TLE1: variants seen among roughly 807,000 people sequenced by gnomAD.
TLE1 encodes the protein TLE family member 1, transcriptional corepressor.
TLE1 carries 21 observed loss-of-function variants against 89.8 expected under a neutral mutation model. The ratio of observed to expected loss-of-function variants is 0.23; its 90% CI spans 0.17 to 0.34. TLE1 has a LOEUF of 0.34. TLE1 is among the 10% of genes least tolerant of loss of function. The pLI, the probability that TLE1 is intolerant of heterozygous loss-of-function variation, is 1.00. For synonymous variants in TLE1, 447 were observed against 407.6 expected (o/e 1.10, Z -1.16); for missense variants, 795 against 1,031.2 (o/e 0.77, Z 3.14).
intron 4 of TLE1, among the ~76,000 whole-genome samples, chr9:81,674,598 A>G (rs1157741476): frequency 6.6e-6 from 1 of 152,240 alleles, no homozygotes; most frequent in Non-Finnish European, 1.5e-5. Flanking sequence ...CGTTGCTAAC[A>G]ATATTTCCCC....
chr9:81,599,114 G>A lies in TLE1; in HGVS notation c.1332-5840C>T, dbSNP rs1479512788. Among the ~76,000 whole-genome samples, 3 of 152,286 alleles carry A rather than the reference G, an allele frequency of 2.0e-5. No individual in the cohort carries two copies. The East Asian group carries it at 5.8e-4, about 29-fold the overall frequency. Reference sequence around the variant, plus strand: ...AGGTGTGAAGTAATGAAGCCACATGGGAAAGTACTTCAAGAAAACTATGAA... The same window carrying A: ...AGGTGTGAAGTAATGAAGCCACATGAGAAAGTACTTCAAGAAAACTATGAA... On this transcript the variant is annotated intron_variant, in intron 14 of 19. Coordinates refer to ENST00000376499, the MANE Select transcript of TLE1 (RefSeq NM_005077.5).
chr9:81,608,824 C>T (rs1455850594), intron 14 of TLE1, among the ~76,000 whole-genome samples: 2 of 151,958 alleles, frequency 1.3e-5, no homozygotes, highest in African/African-American at 2.4e-5. Flanking sequence ...ATAATCCCAG[C>T]TACTCGAGAG....
intron 4 of TLE1, among the ~76,000 whole-genome samples, chr9:81,683,385 G>C (rs1833863826): frequency 6.6e-6 from 1 of 152,056 alleles, no homozygotes; most frequent in Non-Finnish European, 1.5e-5. Flanking sequence ...GAGAATTCCT[G>C]TCAAATCTAA....
chr9:81,683,879 T>C (rs1833927275), intron 4 of TLE1, among the ~76,000 whole-genome samples: 1 of 152,160 alleles, frequency 6.6e-6, no homozygotes, highest in Non-Finnish European at 1.5e-5. Context: ...ATGGTGCTTC[T>C]GACCCACTTC....
intron 2 of TLE1, 82 bp downstream of exon 2, chr9:81,687,252 T>C (rs148334119): frequency 1.2e-3 from 1,400 of 1,186,924 alleles, no homozygotes; most frequent in Non-Finnish European, 1.6e-3. Context: ...AAGAACTAAG[T>C]ACAGGCGCCG....
chr9:81,644,162 C>T (rs1057171343), intron 6 of TLE1, among the ~76,000 whole-genome samples: 2 of 152,144 alleles, frequency 1.3e-5, no homozygotes, highest in South Asian at 2.1e-4. Flanking sequence ...ATGATGCAGC[C>T]GCTTTGGAAA....
intron 4 of TLE1, among the ~76,000 whole-genome samples, chr9:81,680,284 T>C (rs945459728): frequency 2.0e-5 from 3 of 152,096 alleles, no homozygotes; most frequent in African/African-American, 7.2e-5. Context: ...GAGCCTATAG[T>C]TCATGGCCAC....
intron 17 of TLE1, among the ~76,000 whole-genome samples, chr9:81,586,324 G>A (rs1375502856): frequency 6.6e-6 from 1 of 152,136 alleles, no homozygotes; most frequent in African/African-American, 2.4e-5. Flanking sequence ...GCCTTGTTAG[G>A]TGACTTTATT....
intron 14 of TLE1, among the ~76,000 whole-genome samples, chr9:81,600,489 C>T (rs1177794411): frequency 2.0e-5 from 3 of 152,138 alleles, no homozygotes; most frequent in Non-Finnish European, 2.9e-5. Context: ...TAAAAAGGAA[C>T]GGCCTCACCT....
At chr9:81,647,294 A>G (rs1233492015) in intron 6 of TLE1, among the ~76,000 whole-genome samples, 2 of 152,190 alleles carry the variant, frequency 1.3e-5, no homozygotes, top group South Asian at 2.1e-4. Flanking sequence ...CAATGACACT[A>G]TCTGCCTTAT....
chr9:81,663,278 T>G (rs1386330078), intron 4 of TLE1, among the ~76,000 whole-genome samples: 1 of 152,176 alleles, frequency 6.6e-6, no homozygotes, highest in Non-Finnish European at 1.5e-5. Flanking sequence ...TACCCAGCCC[T>G]CTTACGATCC....
At chr9:81,647,497 C>A (rs1438254064) in intron 6 of TLE1, among the ~76,000 whole-genome samples, 1 of 152,206 alleles carries the variant, frequency 6.6e-6, no homozygotes, top group Non-Finnish European at 1.5e-5. Flanking sequence ...TGGGTCTAAT[C>A]TCAAACACCC....
chr9:81,615,277 C>G (rs561467259), intron 11 of TLE1, among the ~76,000 whole-genome samples: 1 of 147,278 alleles, frequency 6.8e-6, no homozygotes, highest in Non-Finnish European at 1.5e-5. Flanking sequence ...TGCAGTGTGC[C>G]GAGATCACGC....
At chr9:81,656,428 A>G (rs1387557520) in intron 4 of TLE1, among the ~76,000 whole-genome samples, 1 of 152,210 alleles carries the variant, frequency 6.6e-6, no homozygotes, top group Non-Finnish European at 1.5e-5. Context: ...TTCACATTGA[A>G]GGTTTCCAGT....
intron 4 of TLE1, among the ~76,000 whole-genome samples, chr9:81,657,927 T>TTTTTTC (rs1323724108): frequency 6.9e-6 from 1 of 144,392 alleles, no homozygotes; most frequent in Non-Finnish European, 1.5e-5. Flanking sequence ...TTTTTTTTTT[T>TTTTTTC]AAGACAGAGT....
At chr9:81,624,001 AC>A (rs139328166) in intron 8 of TLE1, among the ~76,000 whole-genome samples, 2,510 of 152,128 alleles carry the variant, frequency 0.016, 77 homozygotes, top group African/African-American at 0.057. Context: ...TCTGTCCACC[AC>A]CTGCTGATTC....
chr9:81,636,040 T>G (rs1827317804), intron 6 of TLE1, among the ~76,000 whole-genome samples: 2 of 152,152 alleles, frequency 1.3e-5, no homozygotes, highest in South Asian at 4.1e-4. Context: ...GCCAACCATC[T>G]TTATAAACTT....
chr9:81,681,796 A>T (rs980505681), intron 4 of TLE1, among the ~76,000 whole-genome samples: 2 of 152,152 alleles, frequency 1.3e-5, no homozygotes, highest in Admixed American at 1.3e-4. Flanking sequence ...AGTCAGCGGC[A>T]CTGCTGATTC....
chr9:81,652,837 T>C (rs961216118), intron 5 of TLE1, among the ~76,000 whole-genome samples: 9 of 152,168 alleles, frequency 5.9e-5, no homozygotes, highest in African/African-American at 2.2e-4. Context: ...ATTAAATCCG[T>C]TGATTGGTTG....
Sources: allele counts gnomAD v4.1 joint callset (sites outside exome capture counted in the v4.1 genomes callset), GRCh38; gene constraint gnomAD v4.1.1; transcripts MANE v1.5; gene names NCBI Gene and HGNC (gene_info 2026-07-23, HGNC 2026-07-21).